ATP13A4: variants seen among roughly 807,000 people sequenced by gnomAD.
ATP13A4 encodes the protein probable cation-transporting ATPase 13A4.
Under a neutral mutation model 142.5 loss-of-function variants are expected in ATP13A4, and 114 were observed. The observed-to-expected ratio is 0.80, with a 90% CI of 0.69 to 0.93. ATP13A4 has a LOEUF of 0.93. Among genes scored for constraint, ATP13A4 ranks in the 40% least tolerant of loss-of-function variants. The pLI is 0.00. For synonymous variants in ATP13A4, 488 were observed against 514.8 expected (o/e 0.95, Z 0.70); for missense variants, 1,392 against 1,454.0 (o/e 0.96, Z 0.69).
In ATP13A4 at chr3:193,587,735, T is replaced by C. The variant is rs371977957; in HGVS notation, n.91+5286A>G. Reference sequence around the variant, plus strand: ...TCAGCTGAAAATGTTATGCCTTACATTTCTTGTTCTTGCATTATTGCACTG... The same window carrying C: ...TCAGCTGAAAATGTTATGCCTTACACTTCTTGTTCTTGCATTATTGCACTG... On this transcript the variant is annotated intron_variant and non_coding_transcript_variant, in intron 1 of 3. Transcript: ENST00000489140. Among the ~76,000 whole-genome samples, 31 of 152,352 alleles carry C rather than the reference T, an allele frequency of 2.0e-4. 1 individual carries two copies. In the East Asian group the frequency reaches 2.5e-3, roughly 12 times the overall value.
At chr3:193,532,260 T>C (rs564844245) in intron 1 of ATP13A4, among the ~76,000 whole-genome samples, 16 of 151,904 alleles carry the variant, frequency 1.1e-4, no homozygotes, top group Non-Finnish European at 2.9e-5. Context: ...AATTAAATGT[T>C]TTCTGTAAAG....
Position 193,410,971 on chromosome 3 carries a change from A to G in ATP13A4, c.3297+11T>C. 2.3e-5 allele frequency: 36 copies of G among 1,534,884 alleles called. No homozygotes were observed. Among genetic ancestry groups the G allele is most frequent in the Non-Finnish European group, 3.2e-5 (35 of 1,108,032 alleles). On this transcript the variant is annotated intron_variant, in intron 28 of 29. Transcript: ENST00000342695. ...TGTAAAGCATCATCATATCCCAAAG[A>G]TTAGACTTACATCCAAACGTCTATA...
At chr3:193,513,274 A>G (rs1721232767) in intron 2 of ATP13A4, among the ~76,000 whole-genome samples, 1 of 152,234 alleles carries the variant, frequency 6.6e-6, no homozygotes, top group African/African-American at 2.4e-5. Flanking sequence ...TTGGCCAGTT[A>G]TAAGGCTGAT....
chr3:193,522,866 G>A (rs968873201), intron 1 of ATP13A4, among the ~76,000 whole-genome samples: 4 of 151,780 alleles, frequency 2.6e-5, no homozygotes, highest in Non-Finnish European at 5.9e-5. Flanking sequence ...TTCATGTGAT[G>A]AGGAAATTAA....
intron 7 of ATP13A4, among the ~76,000 whole-genome samples, chr3:193,489,385 C>T (rs553479377): frequency 6.6e-5 from 10 of 152,298 alleles, no homozygotes; most frequent in African/African-American, 1.2e-4. Context: ...ATAGACTCCT[C>T]CACCTTCCAG....
At position 193,412,183 on chromosome 3, in the gene ATP13A4, G is replaced by C; in HGVS notation, c.3203C>G (p.Thr1068Arg). The change falls in exon 27 of 30, where the codon ACA becomes AGA. Residue 1068 changes from threonine (T) to arginine (R), a missense_variant. Physicochemically the swap from Thr to Arg is moderately conservative, Grantham distance 71. Coordinates refer to ENST00000342695, the MANE Select transcript of ATP13A4 (RefSeq NM_032279.4). ...TGCAGTACAGTTCTACTCACAGTTT[G>C]TATAAGTTGGCTGTCTAAATGGTTT... Reference protein sequence around the residue: ...KGKPFRQPTYTNYIFVLVLII... With the variant: ...KGKPFRQPTYRNYIFVLVLII... The C allele has an allele frequency of 6.2e-7, 1 of 1,600,784 alleles. No individual in the cohort carries two copies.
intron 21 of ATP13A4, chr3:193,440,046 G>A (rs1362024509): frequency 1.2e-5 from 2 of 168,084 alleles, no homozygotes; most frequent in Non-Finnish European, 2.6e-5. Context: ...GTCTAGGAAT[G>A]GAGACCCTTT....
intron 1 of ATP13A4, among the ~76,000 whole-genome samples, chr3:193,519,387 A>G (rs1577045045): frequency 6.6e-6 from 1 of 151,952 alleles, no homozygotes; most frequent in Non-Finnish European, 1.5e-5. Flanking sequence ...TCCATCTTGG[A>G]CCACTTTCCC....
intron 2 of ATP13A4, among the ~76,000 whole-genome samples, chr3:193,504,036 AG>A (rs1456855818): frequency 9.1e-5 from 12 of 132,392 alleles, no homozygotes; most frequent in Non-Finnish European, 1.6e-4. Flanking sequence ...AGAGAGAGAG[AG>A]AGAGAAAGAG....
chr3:193,478,276 A>C (rs1275312923), intron 8 of ATP13A4, among the ~76,000 whole-genome samples: 4 of 151,898 alleles, frequency 2.6e-5, no homozygotes, highest in African/African-American at 9.7e-5. Context: ...CCAAGATCAG[A>C]GCAGAACTAA....
At chr3:193,453,960 T>G in intron 17 of ATP13A4, 141 bp downstream of exon 17, 2 of 726,918 alleles carry the variant, frequency 2.8e-6, no homozygotes, top group Non-Finnish European at 4.9e-6. Flanking sequence ...AGACATGTTA[T>G]GCACACAAAT....
rs182649886 is a variant in ATP13A4, at chr3:193,418,714, C to T, written c.2843-3964G>A. 2.3e-4 allele frequency among the ~76,000 whole-genome samples: 34 copies of T among 150,170 alleles called. 2 individuals are homozygous for T. Among genetic ancestry groups the T allele is most frequent in the Admixed American group, 4.8e-4 (7 of 14,588 alleles). ...ACCAGCTGAGGGAGTTGCCTGAAGTCCACACAGCTGTGCTACCCCAGAGTA... is the reference window on the plus strand; with the variant it reads ...ACCAGCTGAGGGAGTTGCCTGAAGTTCACACAGCTGTGCTACCCCAGAGTA... On this transcript the variant is annotated intron_variant, in intron 25 of 29. Transcript: ENST00000342695.
intron 2 of ATP13A4, among the ~76,000 whole-genome samples, chr3:193,566,052 A>G (rs1024947743): frequency 3.4e-4 from 51 of 152,184 alleles, no homozygotes; most frequent in Non-Finnish European, 6.8e-4. Context: ...ATTGATAGAT[A>G]TAGAATGCAG....
At chr3:193,586,942 T>C (rs1256654878) in intron 1 of ATP13A4, among the ~76,000 whole-genome samples, 1 of 152,240 alleles carries the variant, frequency 6.6e-6, no homozygotes. Context: ...ATCTTAACAA[T>C]ACTGAGTCTT....
chr3:193,449,895 G>A (rs754310181), intron 17 of ATP13A4, among the ~76,000 whole-genome samples: 1 of 152,012 alleles, frequency 6.6e-6, no homozygotes, highest in Non-Finnish European at 1.5e-5. Flanking sequence ...CGAGGTGGAC[G>A]GATCACCTGA....
At position 193,505,495 on chromosome 3, in the gene ATP13A4, G is replaced by T. The variant is rs556336140; in HGVS notation, c.235-2856C>A. Among the ~76,000 whole-genome samples, 57 of 152,172 alleles carry T rather than the reference G, an allele frequency of 3.7e-4. 1 individual carries two copies. Among genetic ancestry groups the T allele is most frequent in the Admixed American group, 1.8e-3 (28 of 15,286 alleles). On this transcript the variant is annotated intron_variant, in intron 2 of 29. Coordinates refer to ENST00000342695, the MANE Select transcript of ATP13A4 (RefSeq NM_032279.4). ...AAATCAAAGGTACTTGGATATATTT[G>T]CCTTTAAGCTCATTTCCTAACATCC...
chr3:193,414,866 A>C, intron 25 of ATP13A4, 116 bp from the exon 26 acceptor site: 2 of 958,762 alleles, frequency 2.1e-6, no homozygotes, highest in South Asian at 2.8e-5. Context: ...ACTGGAGTAC[A>C]TCACAAACTG....
At position 193,545,521 on chromosome 3, in the gene ATP13A4, T is replaced by A. The variant is rs535225425; in HGVS notation, c.60+9219A>T. 3.9e-5 allele frequency among the ~76,000 whole-genome samples: 6 copies of A among 152,320 alleles called. No individual in the cohort carries two copies. The East Asian group carries it at 1.2e-3, about 29-fold the overall frequency. On this transcript the variant is annotated intron_variant, in intron 1 of 29. Coordinates refer to ENST00000342695, the MANE Select transcript of ATP13A4 (RefSeq NM_032279.4). ...AGCTGCCTTTCAACTCTACCCAGCC[T>A]GTGGTTTCAGGCAGCTTACCAAGGT...
chr3:193,462,380 C>T (rs1464372828), intron 13 of ATP13A4, among the ~76,000 whole-genome samples: 1 of 152,156 alleles, frequency 6.6e-6, no homozygotes, highest in Non-Finnish European at 1.5e-5. Context: ...GTCCTTCCTC[C>T]TAGCACATCA....
Sources: allele counts gnomAD v4.1 joint callset (sites outside exome capture counted in the v4.1 genomes callset), GRCh38; gene constraint gnomAD v4.1.1; transcripts MANE v1.5; gene names NCBI Gene and HGNC (gene_info 2026-07-23, HGNC 2026-07-21).